MAGI2: variants seen among roughly 807,000 people sequenced by gnomAD.
MAGI2 encodes the protein membrane associated guanylate kinase, WW and PDZ domain containing 2.
Under a neutral mutation model 133.3 loss-of-function variants are expected in MAGI2, and 35 were observed. The ratio of observed to expected loss-of-function variants is 0.26; its 90% CI spans 0.20 to 0.35. The LOEUF (loss-of-function observed/expected upper bound fraction) is 0.35. Among genes scored for constraint, MAGI2 ranks in the 10% least tolerant of loss-of-function variants. The pLI, the probability that MAGI2 is intolerant of heterozygous loss-of-function variation, is 1.00. For synonymous variants in MAGI2, 729 were observed against 710.6 expected, an observed-to-expected ratio of 1.03 and a Z score of -0.41; for missense variants, 1,636 against 1,863.4, an observed-to-expected ratio of 0.88 and a Z score of 2.25.
At chr7:79,222,826 A>C (rs751327617) in intron 1 of MAGI2, among the ~76,000 whole-genome samples, 1 of 152,024 alleles carries the variant, frequency 6.6e-6, no homozygotes, top group Non-Finnish European at 1.5e-5. Flanking sequence ...GAGGGAATGC[A>C]TGTTTGTATG....
At chr7:79,409,207 G>A (rs1360318718) in intron 1 of MAGI2, among the ~76,000 whole-genome samples, 1 of 151,920 alleles carries the variant, frequency 6.6e-6, no homozygotes, top group African/African-American at 2.4e-5. Context: ...ACTTAATAGA[G>A]GGGCCAAAGA....
At chr7:78,499,103 C>T (rs1375236565) in intron 5 of MAGI2, among the ~76,000 whole-genome samples, 1 of 150,996 alleles carries the variant, frequency 6.6e-6, no homozygotes, top group Non-Finnish European at 1.5e-5. Flanking sequence ...CACTCCTTTG[C>T]TTGCCTTTCA....
chr7:78,219,606 C>T (rs1788610722), intron 10 of MAGI2, among the ~76,000 whole-genome samples: 1 of 152,162 alleles, frequency 6.6e-6, no homozygotes, highest in South Asian at 2.1e-4. Context: ...TGTATTTACA[C>T]TGACTATTCT....
At chr7:79,154,067 A>T (rs1823531328) in intron 1 of MAGI2, among the ~76,000 whole-genome samples, 1 of 152,074 alleles carries the variant, frequency 6.6e-6, no homozygotes, top group Non-Finnish European at 1.5e-5. Context: ...TTAACATTTC[A>T]TTTTTCTGAC....
intron 9 of MAGI2, among the ~76,000 whole-genome samples, chr7:78,286,614 G>A (rs564738835): frequency 5.3e-5 from 8 of 152,060 alleles, no homozygotes; most frequent in South Asian, 4.1e-4. Context: ...ACTTGGAGAT[G>A]AGGACAATCA....
At chr7:78,912,238 T>C (rs1040072082) in intron 2 of MAGI2, among the ~76,000 whole-genome samples, 1 of 152,030 alleles carries the variant, frequency 6.6e-6, no homozygotes, top group Non-Finnish European at 1.5e-5. Context: ...ACAACAAATA[T>C]GAAAATGTAG....
intron 2 of MAGI2, among the ~76,000 whole-genome samples, chr7:78,847,925 A>T (rs1792766750): frequency 6.6e-6 from 1 of 151,978 alleles, no homozygotes. Flanking sequence ...GTAAGTATTT[A>T]ATAAGTATTA....
At chr7:79,207,168 G>A (rs1025782224) in intron 1 of MAGI2, among the ~76,000 whole-genome samples, 1 of 151,794 alleles carries the variant, frequency 6.6e-6, no homozygotes, top group African/African-American at 2.4e-5. Context: ...ACAAGACAAG[G>A]ATGCCTACTC....
intron 13 of MAGI2, among the ~76,000 whole-genome samples, chr7:78,183,850 A>C (rs1054531507): frequency 3.3e-5 from 5 of 152,168 alleles, no homozygotes. Flanking sequence ...TATAGGCATG[A>C]GCCACAGCGC....
chr7:79,075,609 A>T (rs1815393748), intron 1 of MAGI2, among the ~76,000 whole-genome samples: 1 of 152,024 alleles, frequency 6.6e-6, no homozygotes, highest in Admixed American at 6.6e-5. Context: ...AAAAATATAT[A>T]AAAATTAGCC....
At chr7:78,536,234 T>TC (rs1563137891) in intron 3 of MAGI2, among the ~76,000 whole-genome samples, 1 of 136,674 alleles carries the variant, frequency 7.3e-6, no homozygotes, top group African/African-American at 2.7e-5. Context: ...TGCCTCAGCC[T>TC]CCCAAGTAGC....
intron 1 of MAGI2, among the ~76,000 whole-genome samples, chr7:79,299,550 A>T (rs4730754): frequency 8.3e-6 from 1 of 120,392 alleles, no homozygotes. Flanking sequence ...GCAAGACTCC[A>T]TCTCAAAAAA....
At chr7:78,894,817 CT>C (rs1195220528) in intron 2 of MAGI2, among the ~76,000 whole-genome samples, 1 of 152,140 alleles carries the variant, frequency 6.6e-6, no homozygotes, top group Admixed American at 6.5e-5. Context: ...ACACATTCGA[CT>C]TTTTCTCTGC....
chr7:78,760,139 T>C (rs963129447), intron 2 of MAGI2, among the ~76,000 whole-genome samples: 3 of 151,814 alleles, frequency 2.0e-5, no homozygotes, highest in Admixed American at 6.6e-5. Context: ...AATAAACAAA[T>C]AAGGAAAGAA....
intron 1 of MAGI2, among the ~76,000 whole-genome samples, chr7:79,376,841 G>GTGTGTGTGTGTGTGTGTGTGT (rs1563166210): frequency 4.1e-5 from 6 of 147,456 alleles, no homozygotes; most frequent in African/African-American, 1.6e-4. Flanking sequence ...TGTGTGTGTG[G>GTGTGTGTGTGTGTGTGTGTGT]GTGTATGGCG....
intron 2 of MAGI2, among the ~76,000 whole-genome samples, chr7:78,788,330 G>A (rs1827000032): frequency 6.6e-6 from 1 of 152,122 alleles, no homozygotes; most frequent in Admixed American, 6.5e-5. Flanking sequence ...ACCTATTCCA[G>A]ATTCCCAGCT....
intron 1 of MAGI2, among the ~76,000 whole-genome samples, chr7:79,252,135 G>A (rs1833328143): frequency 7.4e-6 from 1 of 136,002 alleles, no homozygotes; most frequent in Admixed American, 8.2e-5. Context: ...CCAGCCTGTG[G>A]GTCAGAATGA....
At chr7:79,345,142 C>A (rs1416410473) in intron 1 of MAGI2, among the ~76,000 whole-genome samples, 1 of 151,366 alleles carries the variant, frequency 6.6e-6, no homozygotes, top group African/African-American at 2.4e-5. Flanking sequence ...AGGATCACTG[C>A]AGATGTAATT....
chr7:78,031,029 G>A (rs1809515027), intron 21 of MAGI2, among the ~76,000 whole-genome samples: 1 of 152,214 alleles, frequency 6.6e-6, no homozygotes, highest in South Asian at 2.1e-4. Flanking sequence ...ATAGTTCTCA[G>A]CTATGAGATG....
Sources: gnomAD v4.1 joint callset for allele counts (sites outside exome capture counted in the v4.1 genomes callset) on GRCh38, gnomAD v4.1.1 for gene constraint, MANE v1.5 for transcripts, NCBI Gene and HGNC (gene_info 2026-07-23, HGNC 2026-07-21) for gene names.